SDK1: variants seen among roughly 807,000 people sequenced by gnomAD.
The protein encoded by SDK1 is sidekick cell adhesion molecule 1, also known as protein sidekick-1.
SDK1 carries 157 observed loss-of-function variants against 245.5 expected under a neutral mutation model. The observed-to-expected ratio is 0.64, with a 90% confidence interval of 0.56 to 0.73. SDK1 has a LOEUF of 0.73. Among genes scored for constraint, SDK1 ranks in the 30% least tolerant of loss-of-function variants. The pLI is 0.00. For synonymous variants in SDK1, 1,647 were observed against 1,278.5 expected, an observed-to-expected ratio of 1.29 and a Z score of -6.15; for missense variants, 3,583 against 3,002.3, an observed-to-expected ratio of 1.19 and a Z score of -4.52.
At chr7:3,734,164 C>A (rs1245291838) in intron 4 of SDK1, among the ~76,000 whole-genome samples, 1 of 152,268 alleles carries the variant, frequency 6.6e-6, no homozygotes, top group East Asian at 1.9e-4. Context: ...GTTCCCTTAC[C>A]TATAGTAACA....
intron 17 of SDK1, among the ~76,000 whole-genome samples, chr7:4,030,307 C>T (rs1327931015): frequency 2.0e-5 from 3 of 152,286 alleles, no homozygotes; most frequent in Middle Eastern, 3.4e-3. Flanking sequence ...TATATGTGTA[C>T]GAAAACAGCT....
chr7:4,149,494 G>T lies in SDK1; in HGVS notation c.4625+31G>T, dbSNP rs373594357. ...GAGAGAGCAGGAGCACCTCCCCGGG[G>T]AACGGGGCCCTGGCCGCCTCCAGCC... On this transcript the variant is annotated intron_variant, in intron 30 of 44. Transcript: ENST00000404826. The T allele has an allele frequency of 6.3e-5, 88 of 1,388,844 alleles. No homozygotes were observed. In the African/African-American group the frequency reaches 8.6e-4, roughly 14 times the overall value. The allele number at this position is 1,388,844 out of a possible 1,614,324, so 86.0% of individuals were successfully genotyped here.
chr7:3,747,026 A>G (rs1779644893), intron 4 of SDK1, among the ~76,000 whole-genome samples: 2 of 152,224 alleles, frequency 1.3e-5, no homozygotes, highest in South Asian at 2.1e-4. Flanking sequence ...TGAAAGTCAA[A>G]TTTACTCCTT....
chr7:3,915,927 G>A (rs1203516274), intron 5 of SDK1, among the ~76,000 whole-genome samples: 2 of 152,152 alleles, frequency 1.3e-5, no homozygotes, highest in East Asian at 1.9e-4. Flanking sequence ...TTATTAAGCG[G>A]AAGGAGATGT....
At chr7:3,572,237 G>C (rs1203648239) in intron 1 of SDK1, among the ~76,000 whole-genome samples, 5 of 152,090 alleles carry the variant, frequency 3.3e-5, no homozygotes, top group East Asian at 3.9e-4. Flanking sequence ...TTTTTGGTCT[G>C]TTTCTTTGTC....
rs185998201 is a variant in SDK1 at position 4,105,429 on chromosome 7, C to T, written c.3325-5234C>T. On this transcript the variant is annotated intron_variant, in intron 22 of 44. Coordinates refer to ENST00000404826, the MANE Select transcript of SDK1 (RefSeq NM_152744.4). ...TCAAGCGATTCTCCTGCCTCAGCCTCGTGAGTAGCTGGGACTACAGGCACG... is the reference window on the plus strand; with the variant it reads ...TCAAGCGATTCTCCTGCCTCAGCCTTGTGAGTAGCTGGGACTACAGGCACG... 2.0e-3 allele frequency among the ~76,000 whole-genome samples: 306 copies of T among 152,202 alleles called. 3 individuals carry two copies. Among genetic ancestry groups the T allele is most frequent in the African/African-American group, 6.8e-3 (283 of 41,532 alleles).
chr7:3,615,731 A>G (rs1365599405), intron 1 of SDK1, among the ~76,000 whole-genome samples: 4 of 151,516 alleles, frequency 2.6e-5, no homozygotes, highest in Non-Finnish European at 5.9e-5. Flanking sequence ...TTTCCCACCT[A>G]ACTATTGCTT....
At chr7:3,769,744 G>C (rs1260717684) in intron 4 of SDK1, among the ~76,000 whole-genome samples, 2 of 152,016 alleles carry the variant, frequency 1.3e-5, no homozygotes, top group African/African-American at 4.8e-5. Context: ...TGGTAGGTTA[G>C]GGGTTAGGAG....
At chr7:4,158,984 G>A (rs1473523706) in intron 31 of SDK1, among the ~76,000 whole-genome samples, 3 of 152,180 alleles carry the variant, frequency 2.0e-5, no homozygotes, top group African/African-American at 7.2e-5. Context: ...GTCCTACCTC[G>A]GCGGCGTCAG....
intron 1 of SDK1, among the ~76,000 whole-genome samples, chr7:3,416,480 T>G (rs973714053): frequency 1.5e-5 from 2 of 135,592 alleles, no homozygotes; most frequent in African/African-American, 2.8e-5. Context: ...TTTTTTTTTT[T>G]GCGGGGGAAA....
intron 1 of SDK1, among the ~76,000 whole-genome samples, chr7:3,473,610 G>C (rs1232520419): frequency 6.6e-6 from 1 of 152,034 alleles, no homozygotes; most frequent in East Asian, 1.9e-4. Context: ...TCTACTCCTT[G>C]CTTCCATGTG....
chr7:3,704,063 C>T (rs73302260), intron 4 of SDK1, among the ~76,000 whole-genome samples: 10,430 of 152,050 alleles, frequency 0.069, 1,192 homozygotes, highest in African/African-American at 0.24. Context: ...TTTCTGAGTT[C>T]CCATAGTCCA....
chr7:3,323,891 G>T (rs1233226148), intron 1 of SDK1, among the ~76,000 whole-genome samples: 2 of 152,146 alleles, frequency 1.3e-5, no homozygotes, highest in Non-Finnish European at 2.9e-5. Flanking sequence ...TTGGGTAAAG[G>T]TTCTTCTTCA....
intron 4 of SDK1, among the ~76,000 whole-genome samples, chr7:3,716,750 C>T (rs1322848436): frequency 2.7e-5 from 4 of 149,280 alleles, no homozygotes; most frequent in Non-Finnish European, 5.9e-5. Flanking sequence ...CAAAGTGAGA[C>T]CCTGTCTCAC....
intron 2 of SDK1, among the ~76,000 whole-genome samples, chr7:3,632,655 C>G (rs928913822): frequency 2.6e-5 from 4 of 152,060 alleles, no homozygotes; most frequent in Non-Finnish European, 1.5e-5. Context: ...TATTGTGTTC[C>G]CTTTGTATAG....
At chr7:3,807,099 T>C (rs143727142) in intron 4 of SDK1, among the ~76,000 whole-genome samples, 8 of 152,262 alleles carry the variant, frequency 5.3e-5, no homozygotes, top group African/African-American at 1.9e-4. Flanking sequence ...AAGCCTTACC[T>C]GGGAAAGTCC....
intron 1 of SDK1, among the ~76,000 whole-genome samples, chr7:3,540,774 C>G (rs1207921781): frequency 6.6e-6 from 1 of 152,106 alleles, no homozygotes; most frequent in African/African-American, 2.4e-5. Context: ...AGTCCAAGAT[C>G]ATATAAATTT....
At chr7:4,227,137 G>A (rs1785493331) in intron 40 of SDK1, 1 of 285,672 alleles carries the variant, frequency 3.5e-6, no homozygotes, top group South Asian at 3.5e-5. Flanking sequence ...TTTCAAGTGA[G>A]TAAGGAAGAA....
intron 2 of SDK1, among the ~76,000 whole-genome samples, chr7:3,624,825 C>A (rs574793046): frequency 6.6e-6 from 1 of 151,976 alleles, no homozygotes; most frequent in Admixed American, 6.6e-5. Context: ...GGAGGCGCAT[C>A]ACCTGAGGTC....
Sources: allele counts gnomAD v4.1 joint callset (sites outside exome capture counted in the v4.1 genomes callset), GRCh38; gene constraint gnomAD v4.1.1; transcripts MANE v1.5; gene names NCBI Gene and HGNC (gene_info 2026-07-23, HGNC 2026-07-21).